Variants in SLC8A1 observed in about 807,000 individuals in gnomAD.
The protein encoded by SLC8A1 is solute carrier family 8 member A1.
Under a neutral mutation model 68.3 loss-of-function variants are expected in SLC8A1, and 18 were observed. The ratio of observed to expected loss-of-function variants is 0.26; its 90% confidence interval spans 0.18 to 0.39. SLC8A1 has a LOEUF of 0.39. Ranked by LOEUF, SLC8A1 falls within the 10% of genes least tolerant of loss-of-function variation. SLC8A1 has a pLI of 1.00. For missense variants in SLC8A1, 985 were observed against 1,156.7 expected, an observed-to-expected ratio of 0.85 and a Z score of 2.15; for synonymous variants, 475 against 415.5, an observed-to-expected ratio of 1.14 and a Z score of -1.74.
intron 2 of SLC8A1, among the ~76,000 whole-genome samples, chr2:40,411,259 C>T (rs991388754): frequency 2.0e-5 from 3 of 152,024 alleles, no homozygotes; most frequent in Admixed American, 6.6e-5. Context: ...TTAATAATAG[C>T]TAGCATAACA....
chr2:40,145,698 C>T (rs1389292247), intron 6 of SLC8A1, among the ~76,000 whole-genome samples: 1 of 152,106 alleles, frequency 6.6e-6, no homozygotes, highest in Non-Finnish European at 1.5e-5. Flanking sequence ...AATGGTGATT[C>T]AATTGATACA....
At chr2:40,248,270 A>C (rs552007510) in intron 2 of SLC8A1, among the ~76,000 whole-genome samples, 1 of 151,530 alleles carries the variant, frequency 6.6e-6, no homozygotes, top group East Asian at 1.9e-4. Context: ...TAATGGCTGA[A>C]TGTTTATGTT....
intron 4 of SLC8A1, among the ~76,000 whole-genome samples, chr2:40,166,094 G>C (rs961489495): frequency 1.4e-4 from 21 of 152,294 alleles, no homozygotes; most frequent in Middle Eastern, 6.8e-3. Flanking sequence ...CAATAAAAGG[G>C]ATGTTTGGTC....
chr2:40,467,574 G>T (rs1488994245), intron 1 of SLC8A1, among the ~76,000 whole-genome samples: 1 of 151,960 alleles, frequency 6.6e-6, no homozygotes, highest in African/African-American at 2.4e-5. Flanking sequence ...CTGCCTTTTT[G>T]TTCCTTTTAG....
At chr2:40,256,005 G>GCTGA (rs1329007075) in intron 2 of SLC8A1, among the ~76,000 whole-genome samples, 2 of 152,178 alleles carry the variant, frequency 1.3e-5, no homozygotes, top group African/African-American at 4.8e-5. Flanking sequence ...GAAGAGCAAT[G>GCTGA]CTGACAGGCC....
intron 2 of SLC8A1, among the ~76,000 whole-genome samples, chr2:40,284,842 CTGTA>C (rs1240620185): frequency 6.6e-6 from 1 of 151,992 alleles, no homozygotes; most frequent in Admixed American, 6.6e-5. Flanking sequence ...GTAGAGGATG[CTGTA>C]TCCACTTCTT....
chr2:40,304,479 C>A (rs949760444), intron 2 of SLC8A1, among the ~76,000 whole-genome samples: 5 of 152,158 alleles, frequency 3.3e-5, no homozygotes, highest in African/African-American at 1.2e-4. Context: ...ACCTGAGCCA[C>A]CCAGACGATG....
chr2:40,309,997 C>T (rs1273634186), intron 2 of SLC8A1, among the ~76,000 whole-genome samples: 1 of 152,160 alleles, frequency 6.6e-6, no homozygotes, highest in Admixed American at 6.6e-5. Context: ...TCCCCTCAGC[C>T]CCTGGCAATC....
chr2:40,223,686 C>T (rs1307704342), intron 2 of SLC8A1: 3 of 152,008 alleles, frequency 2.0e-5, no homozygotes, highest in South Asian at 2.1e-4. Context: ...CTCTCATGCT[C>T]TGTTGAAAAC....
At chr2:40,462,512 G>C (rs1703409695) in intron 1 of SLC8A1, among the ~76,000 whole-genome samples, 1 of 150,412 alleles carries the variant, frequency 6.6e-6, no homozygotes, top group Non-Finnish European at 1.5e-5. Context: ...TCTCATATTA[G>C]AGAAGATCAG....
At chr2:40,443,085 C>T (rs146925152) in intron 1 of SLC8A1, among the ~76,000 whole-genome samples, 2,044 of 152,044 alleles carry the variant, frequency 0.013, 47 homozygotes, top group African/African-American at 0.046. Context: ...AGGGGAACAA[C>T]ACACACTGGG....
intron 2 of SLC8A1, among the ~76,000 whole-genome samples, chr2:40,332,682 T>C (rs956011853): frequency 5.3e-5 from 8 of 152,166 alleles, no homozygotes; most frequent in South Asian, 2.1e-4. Flanking sequence ...GGCTTTCTTA[T>C]GGGAAAGGAA....
intron 1 of SLC8A1, among the ~76,000 whole-genome samples, chr2:40,465,252 C>T (rs1254015240): frequency 1.3e-5 from 2 of 152,100 alleles, no homozygotes; most frequent in African/African-American, 2.4e-5. Context: ...GACAATTGTC[C>T]TTCATGCCTT....
At chr2:40,501,756 G>A (rs1706073172) in intron 1 of SLC8A1, among the ~76,000 whole-genome samples, 1 of 151,952 alleles carries the variant, frequency 6.6e-6, no homozygotes, top group Admixed American at 6.6e-5. Context: ...CCACGTAGTA[G>A]GGATCTCAAT....
At chr2:40,221,846 T>TACAAA (rs1437987589) in intron 2 of SLC8A1, among the ~76,000 whole-genome samples, 8 of 150,176 alleles carry the variant, frequency 5.3e-5, no homozygotes, top group East Asian at 2.0e-4. Context: ...CAAGGAGAAC[T>TACAAA]CCACTGCTCA....
intron 1 of SLC8A1, among the ~76,000 whole-genome samples, chr2:40,470,288 A>C (rs1703928809): frequency 6.6e-6 from 1 of 152,116 alleles, no homozygotes. Flanking sequence ...AATCTAGCAA[A>C]CTTTATAAAA....
At chr2:40,231,835 AT>A (rs1391515226) in intron 2 of SLC8A1, among the ~76,000 whole-genome samples, 1 of 152,130 alleles carries the variant, frequency 6.6e-6, no homozygotes, top group Non-Finnish European at 1.5e-5. Flanking sequence ...CTATTTCCTT[AT>A]TTCAGCATTC....
At chr2:40,167,086 G>C (rs1321628111) in intron 4 of SLC8A1, among the ~76,000 whole-genome samples, 2 of 152,198 alleles carry the variant, frequency 1.3e-5, no homozygotes, top group Non-Finnish European at 2.9e-5. Context: ...AAATTAAACT[G>C]GTTTTGATCA....
At chr2:40,347,408 T>C (rs938399595) in intron 2 of SLC8A1, among the ~76,000 whole-genome samples, 1 of 152,230 alleles carries the variant, frequency 6.6e-6, no homozygotes, top group Non-Finnish European at 1.5e-5. Flanking sequence ...TGTACTATCG[T>C]AGAAGTCAGC....
Sources: allele counts gnomAD v4.1 joint callset (sites outside exome capture counted in the v4.1 genomes callset), GRCh38; gene constraint gnomAD v4.1.1; transcripts MANE v1.5; gene names NCBI Gene and HGNC (gene_info 2026-07-23, HGNC 2026-07-21).